The following CIMIP6 variants were observed in gnomAD, a reference collection of about 807,000 sequenced individuals.
The protein encoded by CIMIP6 is ciliary microtubule inner protein 6, also known as uncharacterized protein C2orf73.
the CIMIP6 span, among the ~76,000 whole-genome samples, chr2:54,347,135 G>A: frequency 6.6e-6 from 1 of 152,140 alleles, no homozygotes; most frequent in South Asian, 2.1e-4. Flanking sequence ...GAAAACAGTT[G>A]TTTCTATAAA....
chr2:54,363,875 T>C, the CIMIP6 span, among the ~76,000 whole-genome samples: 1 of 152,246 alleles, frequency 6.6e-6, no homozygotes, highest in African/African-American at 2.4e-5. Flanking sequence ...CATGGTTGAC[T>C]GACAAATGTC....
the CIMIP6 span, among the ~76,000 whole-genome samples, chr2:54,379,976 T>TA: frequency 0.02 from 2,789 of 136,672 alleles, 74 homozygotes; most frequent in African/African-American, 0.064. Context: ...AAAGTCCTTC[T>TA]AAAAAAAAAA....
At chr2:54,356,829 C>T in the CIMIP6 span, among the ~76,000 whole-genome samples, 1 of 152,262 alleles carries the variant, frequency 6.6e-6, no homozygotes, top group East Asian at 1.9e-4. Context: ...TATTTTATTA[C>T]CAAATGCATG....
chr2:54,369,280 C>T, the CIMIP6 span, among the ~76,000 whole-genome samples: 1 of 152,074 alleles, frequency 6.6e-6, no homozygotes, highest in African/African-American at 2.4e-5. Flanking sequence ...CATTTTGACT[C>T]ATACCATCTA....
chr2:54,366,531 GA>G, the CIMIP6 span, among the ~76,000 whole-genome samples: 58 of 152,238 alleles, frequency 3.8e-4, no homozygotes, highest in African/African-American at 1.3e-3. Context: ...ATCTGAAGGG[GA>G]AAAATCAATT....
chr2:54,375,287 A>G, the CIMIP6 span, among the ~76,000 whole-genome samples: 1 of 152,250 alleles, frequency 6.6e-6, no homozygotes. Context: ...AAAGTTTTAT[A>G]TAAAGAGCTC....
At chr2:54,332,175 C>G in the CIMIP6 span, among the ~76,000 whole-genome samples, 1 of 152,144 alleles carries the variant, frequency 6.6e-6, no homozygotes, top group Non-Finnish European at 1.5e-5. Context: ...ATGCACTTAG[C>G]TCTCTCTTCC....
the CIMIP6 span, among the ~76,000 whole-genome samples, chr2:54,367,899 T>G: frequency 6.6e-6 from 1 of 152,192 alleles, no homozygotes. Context: ...CTGTAAACTT[T>G]TTGAAGTCTG....
chr2:54,367,436 A>G, the CIMIP6 span, among the ~76,000 whole-genome samples: 1 of 152,076 alleles, frequency 6.6e-6, no homozygotes, highest in Non-Finnish European at 1.5e-5. Flanking sequence ...TCTGGAAACT[A>G]TTGGTTTGAT....
chr2:54,356,281 G>A, the CIMIP6 span, among the ~76,000 whole-genome samples: 5 of 152,286 alleles, frequency 3.3e-5, no homozygotes, highest in South Asian at 6.2e-4. Context: ...TCATCAGCTC[G>A]TTATCCTGGA....
the CIMIP6 span, among the ~76,000 whole-genome samples, chr2:54,354,120 T>C: frequency 6.6e-6 from 1 of 152,154 alleles, no homozygotes; most frequent in Non-Finnish European, 1.5e-5. Context: ...ACTTTTCCCA[T>C]TTACTTATAG....
the CIMIP6 span, among the ~76,000 whole-genome samples, chr2:54,377,151 A>G: frequency 6.6e-6 from 1 of 152,076 alleles, no homozygotes; most frequent in African/African-American, 2.4e-5. Context: ...TCGTGTCTGC[A>G]TACTCTCCAT....
the CIMIP6 span, among the ~76,000 whole-genome samples, chr2:54,358,581 A>G: frequency 6.6e-6 from 1 of 151,860 alleles, no homozygotes; most frequent in African/African-American, 2.4e-5. Context: ...TTTTGTAGAG[A>G]TGGGGTTTCA....
At chr2:54,382,144 C>T in the CIMIP6 span, among the ~76,000 whole-genome samples, 3 of 152,152 alleles carry the variant, frequency 2.0e-5, no homozygotes, top group East Asian at 1.9e-4. Flanking sequence ...AGACAACAAA[C>T]ATTCTAATTT....
the CIMIP6 span, chr2:54,343,792 A>G: frequency 6.2e-7 from 1 of 1,613,096 alleles, no homozygotes; most frequent in South Asian, 1.1e-5. Flanking sequence ...GAGCACCCAG[A>G]GGAGTGACTT....
the CIMIP6 span, among the ~76,000 whole-genome samples, chr2:54,365,956 A>G: frequency 6.6e-6 from 1 of 152,204 alleles, no homozygotes; most frequent in African/African-American, 2.4e-5. Flanking sequence ...AGAGAATAGA[A>G]TGTTATTAAG....
At chr2:54,343,863 T>A in the CIMIP6 span, 1 of 1,600,200 alleles carries the variant, frequency 6.2e-7, no homozygotes, top group Non-Finnish European at 8.5e-7. Flanking sequence ...AAAAGCCTTC[T>A]TGTGGAATAG....
At chr2:54,332,310 C>G in the CIMIP6 span, among the ~76,000 whole-genome samples, 1,513 of 152,344 alleles carry the variant, frequency 9.9e-3, 9 homozygotes, top group Non-Finnish European at 0.017. Context: ...TAGCACTTAA[C>G]AGACTATATA....
chr2:54,347,898 C>A, the CIMIP6 span, among the ~76,000 whole-genome samples: 66 of 152,170 alleles, frequency 4.3e-4, no homozygotes, highest in Admixed American at 5.9e-4. Context: ...CACTTAACTT[C>A]CAGTTTTCTG....
Sources: allele counts gnomAD v4.1 joint callset (sites outside exome capture counted in the v4.1 genomes callset), GRCh38; gene constraint gnomAD v4.1.1; transcripts MANE v1.5; gene names NCBI Gene and HGNC (gene_info 2026-07-23, HGNC 2026-07-21).